Variants in MBP observed in about 807,000 individuals in gnomAD.
MBP encodes myelin basic protein.
MBP carries 16 observed loss-of-function variants against 35.8 expected under a neutral mutation model. That is an observed-to-expected ratio of 0.45 (90% CI 0.30 to 0.68). MBP has a LOEUF of 0.68. MBP is among the 30% of genes least tolerant of loss of function. The pLI is 0.08. For missense variants in MBP, 380 were observed against 404.7 expected, an observed-to-expected ratio of 0.94 and a Z score of 0.52; for synonymous variants, 143 against 159.6, an observed-to-expected ratio of 0.90 and a Z score of 0.78.
chr18:77,017,156 G>T lies in MBP; in HGVS notation c.252C>A (p.Asp84Glu). 6.4e-7 allele frequency: 1 copy of T among 1,556,532 alleles called. No homozygotes were observed. The highest frequency in any genetic ancestry group is 1.2e-5 in the South Asian group (1 of 82,292). ...GGATCAAGTGGGGGCGGCTCCCTGGGTCAGCTGGGTGGGCATCCTGCCAGG... is the reference window on the plus strand; with the variant it reads ...GGATCAAGTGGGGGCGGCTCCCTGGTTCAGCTGGGTGGGCATCCTGCCAGG... ...KNAWQDAHPA[D>E]PGSRPHLIRL... The change falls in exon 4 of 9, where the codon GAC becomes GAA. Residue 84 changes from aspartate to glutamate, a missense_variant. Physicochemically the swap from Asp to Glu is conservative, Grantham distance 45. Transcript: ENST00000355994.
chr18:77,084,406 A>C (rs1975114146), intron 2 of MBP, among the ~76,000 whole-genome samples: 1 of 73,774 alleles, frequency 1.4e-5, no homozygotes, highest in African/African-American at 4.4e-5. Flanking sequence ...GACCATCACA[A>C]CACCGCCCCC....
rs548282494 is a variant in MBP, at chr18:77,128,181, A to T, written c.-26+4399T>A. 3.9e-5 allele frequency among the ~76,000 whole-genome samples: 6 copies of T among 152,364 alleles called. No individual in the cohort carries two copies. In the South Asian group the frequency reaches 1.2e-3, roughly 32 times the overall value. On this transcript the variant is annotated intron_variant, in intron 1 of 8. Transcript: ENST00000355994. ...GTTGAACACACCTTGGTTCATCCAG[A>T]TGACGGAACACCACTAAGTAATTAA...
At chr18:77,070,787 T>G (rs1234600060) in intron 2 of MBP, among the ~76,000 whole-genome samples, 3 of 152,134 alleles carry the variant, frequency 2.0e-5, no homozygotes, top group African/African-American at 4.8e-5. Flanking sequence ...CAATTCAGTT[T>G]TCTTCATCAG....
chr18:77,063,780 G>A (rs1324400984), intron 3 of MBP, among the ~76,000 whole-genome samples: 1 of 152,134 alleles, frequency 6.6e-6, no homozygotes, highest in East Asian at 1.9e-4. Flanking sequence ...GATTAAGGAG[G>A]GCTGCGTTTG....
At chr18:77,114,456 A>C (rs759847447) in intron 1 of MBP, 1 of 152,268 alleles carries the variant, frequency 6.6e-6, no homozygotes, top group Non-Finnish European at 1.5e-5. Flanking sequence ...CAGATCAAAG[A>C]GTAGCTCATC....
At chr18:77,082,054 G>C (rs992432621) in intron 2 of MBP, among the ~76,000 whole-genome samples, 1 of 151,092 alleles carries the variant, frequency 6.6e-6, no homozygotes, top group Non-Finnish European at 1.5e-5. Context: ...GGGTTTCACT[G>C]TGTTAGCCGG....
intron 2 of MBP, among the ~76,000 whole-genome samples, chr18:77,069,663 G>A (rs1022564011): frequency 1.3e-5 from 2 of 152,158 alleles, no homozygotes; most frequent in Non-Finnish European, 2.9e-5. Context: ...AGTGCGTGGC[G>A]GGGGATAACC....
rs554489796 is a variant in MBP at position 77,052,868 on chromosome 18, C to A, written c.139+13430G>T. On this transcript the variant is annotated intron_variant, in intron 3 of 8. Coordinates refer to ENST00000355994, the MANE Select transcript of MBP (RefSeq NM_001025101.2). ...GGGCCCCCTCACGCCATGTATACCC[C>A]CCGGGTGGACTTCAGGGGCGCTGTC... is the stretch of plus-strand genomic sequence containing the variant. Among the ~76,000 whole-genome samples the A allele has an allele frequency of 6.6e-5, 10 of 152,274 alleles. No individual in the cohort carries two copies. In the South Asian group the frequency reaches 1.9e-3, roughly 28 times the overall value.
At chr18:77,026,641 G>A (rs1394145031) in intron 3 of MBP, among the ~76,000 whole-genome samples, 1 of 151,914 alleles carries the variant, frequency 6.6e-6, no homozygotes, top group Admixed American at 6.6e-5. Flanking sequence ...TAAATGGGGA[G>A]GATGGCTTCA....
chr18:77,001,621 C>T (rs148815739), intron 4 of MBP, among the ~76,000 whole-genome samples: 16 of 152,304 alleles, frequency 1.1e-4, no homozygotes, highest in African/African-American at 1.4e-4. Flanking sequence ...GAGGCCAAGG[C>T]GGGTGGATCA....
chr18:77,086,004 G>A (rs373929998), intron 2 of MBP, among the ~76,000 whole-genome samples: 13 of 152,276 alleles, frequency 8.5e-5, no homozygotes, highest in African/African-American at 2.9e-4. Flanking sequence ...AGGAGAGAGA[G>A]AGTGACAGAC....
chr18:77,076,574 G>A (rs1238137361), intron 2 of MBP, among the ~76,000 whole-genome samples: 1 of 152,228 alleles, frequency 6.6e-6, no homozygotes, highest in Non-Finnish European at 1.5e-5. Flanking sequence ...CTGCTTCAGT[G>A]CTGAGGTTTG....
intron 2 of MBP, among the ~76,000 whole-genome samples, chr18:77,088,431 T>A (rs866632738): frequency 6.6e-6 from 1 of 152,218 alleles, no homozygotes; most frequent in African/African-American, 2.4e-5. Context: ...AACGTATGAC[T>A]GTTGGGGCCA....
intron 2 of MBP, among the ~76,000 whole-genome samples, chr18:77,089,835 AG>A (rs1157467906): frequency 6.6e-6 from 1 of 152,228 alleles, no homozygotes; most frequent in Non-Finnish European, 1.5e-5. Context: ...AAGTCAGTTC[AG>A]GCCCTTGTCT....
At chr18:77,005,009 T>C (rs1221569316) in intron 4 of MBP, 1 of 152,244 alleles carries the variant, frequency 6.6e-6, no homozygotes, top group African/African-American at 2.4e-5. Context: ...GCACGAAACC[T>C]TGTGGGACCC....
At chr18:76,997,711 C>T (rs1271093001) in intron 4 of MBP, among the ~76,000 whole-genome samples, 3 of 149,666 alleles carry the variant, frequency 2.0e-5, no homozygotes, top group Non-Finnish European at 3.0e-5. Flanking sequence ...GAGACGGAGT[C>T]TCACTTTGTC....
rs577582761 is a variant in MBP, at chr18:77,130,818, C to A, written c.-26+1762G>T. ...GAGCCATGAGCTACCAGGTGTAAAA[C>A]AAGCGACGTGTCTTACACTTTCTTA... On this transcript the variant is annotated intron_variant, in intron 1 of 8. Transcript: ENST00000355994. 1.3e-5 allele frequency among the ~76,000 whole-genome samples: 2 copies of A among 151,672 alleles called. 1 individual carries two copies. Among genetic ancestry groups the A allele is most frequent in the South Asian group, 4.2e-4 (2 of 4,804 alleles).
chr18:77,033,580 C>T (rs1311404601), intron 3 of MBP, among the ~76,000 whole-genome samples: 2 of 152,080 alleles, frequency 1.3e-5, no homozygotes, highest in Non-Finnish European at 2.9e-5. Context: ...TTTACCCGTC[C>T]ACATATCCAT....
At chr18:77,033,615 C>A (rs568978699) in intron 3 of MBP, among the ~76,000 whole-genome samples, 97 of 152,054 alleles carry the variant, frequency 6.4e-4, no homozygotes, top group African/African-American at 2.2e-3. Context: ...ATTCACTCAC[C>A]CATCTACTAG....
Sources: allele counts gnomAD v4.1 joint callset (sites outside exome capture counted in the v4.1 genomes callset), GRCh38; gene constraint gnomAD v4.1.1; transcripts MANE v1.5; gene names NCBI Gene and HGNC (gene_info 2026-07-23, HGNC 2026-07-21).